The following CNTN5 variants were observed in gnomAD, a reference collection of about 807,000 sequenced individuals.
CNTN5 encodes the protein contactin-5.
A neutral mutation model predicts 129.1 loss-of-function variants in CNTN5; 77 were observed. The observed-to-expected ratio is 0.60, with a 90% CI of 0.50 to 0.72. The LOEUF (loss-of-function observed/expected upper bound fraction) is 0.72. CNTN5 is among the 30% of genes least tolerant of loss of function. CNTN5 has a pLI of 0.00. For synonymous variants in CNTN5, 509 were observed against 465.6 expected (o/e 1.09, Z -1.20); for missense variants, 1,478 against 1,328.8 (o/e 1.11, Z -1.75).
At chr11:99,147,844 T>A (rs117598577) in intron 1 of CNTN5, among the ~76,000 whole-genome samples, 7,259 of 152,250 alleles carry the variant, frequency 0.048, 196 homozygotes, top group Middle Eastern at 0.065. Context: ...CATGTTTTCA[T>A]CCTTAAATAA....
At chr11:99,737,776 G>T (rs973908656) in intron 3 of CNTN5, among the ~76,000 whole-genome samples, 1 of 152,110 alleles carries the variant, frequency 6.6e-6, no homozygotes, top group African/African-American at 2.4e-5. Flanking sequence ...AGTCCCTAAT[G>T]TAGATTTGTT....
At chr11:99,981,117 C>G (rs7932479) in intron 8 of CNTN5, among the ~76,000 whole-genome samples, 46,224 of 92,104 alleles carry the variant, frequency 0.5, 8,839 homozygotes, top group African/African-American at 0.58. Flanking sequence ...CACACACACA[C>G]ATATATGAAA....
intron 3 of CNTN5, among the ~76,000 whole-genome samples, chr11:99,702,491 T>C (rs1954565952): frequency 6.6e-6 from 1 of 150,958 alleles, no homozygotes; most frequent in South Asian, 2.1e-4. Flanking sequence ...TTAGTATCAC[T>C]AGACATAGGA....
At chr11:99,224,515 G>A (rs1257994306) in intron 1 of CNTN5, among the ~76,000 whole-genome samples, 1 of 152,028 alleles carries the variant, frequency 6.6e-6, no homozygotes, top group East Asian at 1.9e-4. Flanking sequence ...CTTCAAGATG[G>A]TATCTGTAAT....
At chr11:99,973,222 G>A (rs1434474331) in intron 8 of CNTN5, among the ~76,000 whole-genome samples, 5 of 152,208 alleles carry the variant, frequency 3.3e-5, no homozygotes, top group South Asian at 2.1e-4. Context: ...ATTATGAAAC[G>A]TCTGACATTT....
intron 2 of CNTN5, among the ~76,000 whole-genome samples, chr11:99,365,751 A>ACT (rs1939407822): frequency 6.6e-6 from 1 of 152,164 alleles, no homozygotes; most frequent in Admixed American, 6.6e-5. Flanking sequence ...CTGAAACGTA[A>ACT]CAGTCTCTTA....
chr11:99,392,545 A>G (rs1941318376), intron 2 of CNTN5, among the ~76,000 whole-genome samples: 1 of 151,916 alleles, frequency 6.6e-6, no homozygotes, highest in African/African-American at 2.4e-5. Context: ...CTGCATTGCC[A>G]GTGATTATGC....
intron 4 of CNTN5, among the ~76,000 whole-genome samples, chr11:99,838,629 T>G (rs1947378987): frequency 6.6e-6 from 1 of 152,220 alleles, no homozygotes; most frequent in Non-Finnish European, 1.5e-5. Flanking sequence ...CATTCTCATT[T>G]GAAAACTTTA....
chr11:99,330,611 C>A (rs551256572), intron 2 of CNTN5, among the ~76,000 whole-genome samples: 2 of 152,118 alleles, frequency 1.3e-5, no homozygotes, highest in Admixed American at 1.3e-4. Context: ...AGGTGCCACT[C>A]AATGGGAGAT....
intron 1 of CNTN5, among the ~76,000 whole-genome samples, chr11:99,281,837 G>T (rs947823290): frequency 6.6e-6 from 1 of 151,858 alleles, no homozygotes; most frequent in Non-Finnish European, 1.5e-5. Context: ...AAAATGTTTA[G>T]AGTGTTTCCA....
chr11:99,230,214 G>A (rs1371520242), intron 1 of CNTN5, among the ~76,000 whole-genome samples: 1 of 151,918 alleles, frequency 6.6e-6, no homozygotes, highest in East Asian at 1.9e-4. Flanking sequence ...ACTACATATT[G>A]TTTCTCTGGC....
chr11:100,232,417 A>G (rs1251972252), intron 16 of CNTN5, among the ~76,000 whole-genome samples: 1 of 152,182 alleles, frequency 6.6e-6, no homozygotes, highest in African/African-American at 2.4e-5. Flanking sequence ...ATATCAGTGA[A>G]TTAAGAAACT....
At chr11:99,475,963 C>G (rs74362465) in intron 2 of CNTN5, among the ~76,000 whole-genome samples, 22 of 152,136 alleles carry the variant, frequency 1.4e-4, no homozygotes, top group African/African-American at 4.6e-4. Context: ...TGCCACCAGG[C>G]TTCATCTGAT....
intron 1 of CNTN5, among the ~76,000 whole-genome samples, chr11:99,284,142 T>C (rs2447140): frequency 0.75 from 114,117 of 151,942 alleles, 43,047 homozygotes; most frequent in East Asian, 0.95. Context: ...GTCAGTGGAG[T>C]GCTTAACACC....
intron 17 of CNTN5, 65 bp downstream of exon 17, chr11:100,255,983 G>A: frequency 1.4e-6 from 2 of 1,423,288 alleles, no homozygotes; most frequent in Non-Finnish European, 1.9e-6. Context: ...AGCTATATTT[G>A]GCTAAGGTCT....
chr11:99,872,337 C>T (rs997640340), intron 6 of CNTN5, among the ~76,000 whole-genome samples: 6 of 151,958 alleles, frequency 3.9e-5, no homozygotes, highest in Non-Finnish European at 8.8e-5. Context: ...AAGATGATTA[C>T]CATATGTATT....
At chr11:99,753,092 G>T (rs1335779580) in intron 3 of CNTN5, among the ~76,000 whole-genome samples, 3 of 144,158 alleles carry the variant, frequency 2.1e-5, no homozygotes. Flanking sequence ...ATCCTTTAAG[G>T]ATTTATAACA....
In CNTN5 at chr11:99,718,353, T is replaced by C. The variant is rs556543153; in HGVS notation, c.56-101191T>C. 5.3e-5 allele frequency among the ~76,000 whole-genome samples: 8 copies of C among 152,294 alleles called. No homozygotes were observed. In the East Asian group the frequency reaches 1.6e-3, roughly 30 times the overall value. On this transcript the variant is annotated intron_variant, in intron 3 of 24. Transcript: ENST00000524871. ...TTGTTCATAATATATATTGTTATCC[T>C]ACAAATTTGTCTTAGCAGCAGCATA...
At chr11:99,990,962 A>G (rs1939046533) in intron 8 of CNTN5, among the ~76,000 whole-genome samples, 1 of 152,198 alleles carries the variant, frequency 6.6e-6, no homozygotes. Context: ...CTAGGGCTGG[A>G]GGAGGGAATT....
Sources: gnomAD v4.1 joint callset for allele counts (sites outside exome capture counted in the v4.1 genomes callset) on GRCh38, gnomAD v4.1.1 for gene constraint, MANE v1.5 for transcripts, NCBI Gene and HGNC (gene_info 2026-07-23, HGNC 2026-07-21) for gene names.